The following AKAP13 variants were observed in gnomAD, a reference collection of about 807,000 sequenced individuals.
The protein encoded by AKAP13 is A-kinase anchor protein 13.
Under a neutral mutation model 264.5 loss-of-function variants are expected in AKAP13, and 80 were observed. The ratio of observed to expected loss-of-function variants is 0.30; its 90% CI spans 0.25 to 0.36. The LOEUF (loss-of-function observed/expected upper bound fraction) is 0.36. Ranked by LOEUF, AKAP13 falls within the 10% of genes least tolerant of loss-of-function variation. The probability of loss-of-function intolerance (pLI) is 1.00; values close to 1 mark genes in which losing one functional copy is unlikely to be tolerated. For synonymous variants in AKAP13, 1,380 were observed against 1,250.2 expected (o/e 1.10, Z -2.19); for missense variants, 3,712 against 3,435.2 (o/e 1.08, Z -2.01).
At chr15:85,678,141 A>G (rs1567190293) in intron 14 of AKAP13, among the ~76,000 whole-genome samples, 1 of 152,230 alleles carries the variant, frequency 6.6e-6, no homozygotes, top group Non-Finnish European at 1.5e-5. Flanking sequence ...TACAGTCTTC[A>G]ATTGTGCAAG....
chr15:85,554,149 C>G (rs1425246562), intron 5 of AKAP13, among the ~76,000 whole-genome samples: 1 of 152,168 alleles, frequency 6.6e-6, no homozygotes, highest in Non-Finnish European at 1.5e-5. Context: ...GTTCAGCAGG[C>G]ATCCATCTCT....
intron 13 of AKAP13, among the ~76,000 whole-genome samples, chr15:85,666,358 C>T (rs1310209742): frequency 1.3e-5 from 2 of 151,756 alleles, no homozygotes; most frequent in African/African-American, 4.8e-5. Flanking sequence ...CCTTTACCCA[C>T]TTTTTGATGG....
chr15:85,574,156 A>G (rs1231184214), intron 5 of AKAP13, among the ~76,000 whole-genome samples: 1 of 152,232 alleles, frequency 6.6e-6, no homozygotes, highest in Non-Finnish European at 1.5e-5. Flanking sequence ...AGACATTTAC[A>G]TTTGTGCTGA....
intron 1 of AKAP13, among the ~76,000 whole-genome samples, chr15:85,459,534 C>G (rs576273639): frequency 6.8e-4 from 103 of 151,674 alleles, no homozygotes; most frequent in African/African-American, 2.4e-3. Context: ...GAGTCTCGCT[C>G]TGTCGCCCAG....
chr15:85,543,891 G>C lies in AKAP13; in HGVS notation c.598G>C (p.Gly200Arg), dbSNP rs745671342. 1 of 1,614,120 alleles carries C rather than the reference G, an allele frequency of 6.2e-7. No individual in the cohort carries two copies. Among genetic ancestry groups the C allele is most frequent in the South Asian group, 1.1e-5 (1 of 91,084 alleles). The part of the protein sequence containing the change: ...RGALSIHNQE[G>R]ATPVSLALER... ...AGCTCTCAGTATCCACAACCAGGAA[G>C]GGGCGACGCCTGTGAGCTTGGCCTT... The change falls in exon 5 of 37, where the codon GGG (glycine) becomes CGG (arginine). Residue 200 changes from glycine (G) to arginine (R), a missense_variant. By Grantham distance (125) the Gly-to-Arg change is moderately radical. This residue lies in a region of AKAP13 where 2,759 missense variants were observed against 2,411.7 expected (regional missense o/e 1.14). Transcript: ENST00000394518.
chr15:85,471,137 A>G (rs1021887640), intron 1 of AKAP13, among the ~76,000 whole-genome samples: 2 of 152,196 alleles, frequency 1.3e-5, no homozygotes, highest in African/African-American at 4.8e-5. Flanking sequence ...ACACAATGAC[A>G]CAAAGCATTA....
chr15:85,730,432 A>G lies in AKAP13; in HGVS notation c.7088-81A>G, dbSNP rs1261538960. On this transcript the variant is annotated intron_variant, in intron 29 of 36. Coordinates refer to ENST00000394518, the MANE Select transcript of AKAP13 (RefSeq NM_007200.5). ...GTCTTGTCACTTTCCATAAATTACC[A>G]CAAGGTGGTGCTCGTGTCTTAGTCA... 6 of 1,459,308 alleles carry G rather than the reference A, an allele frequency of 4.1e-6. No individual in the cohort carries two copies. The African/African-American group carries it at 5.6e-5, about 14-fold the overall frequency. 90.4% of individuals were successfully genotyped at this position (1,459,308 alleles called of 1,614,324 possible).
At chr15:85,427,518 T>TCGACTCCTCTAGGCAA (rs1264728331) in intron 1 of AKAP13, among the ~76,000 whole-genome samples, 3 of 152,162 alleles carry the variant, frequency 2.0e-5, no homozygotes, top group Non-Finnish European at 4.4e-5. Context: ...TGTGTGTGTG[T>TCGACTCCTCTAGGCAA]GCGCACACAC....
At chr15:85,641,962 C>A (rs1334704081) in intron 9 of AKAP13, among the ~76,000 whole-genome samples, 1 of 152,136 alleles carries the variant, frequency 6.6e-6, no homozygotes, top group African/African-American at 2.4e-5. Flanking sequence ...ACCTAAATGA[C>A]TAGATAACAC....
At chr15:85,399,452 C>T (rs1359747400) in intron 1 of AKAP13, among the ~76,000 whole-genome samples, 3 of 135,142 alleles carry the variant, frequency 2.2e-5, no homozygotes, top group East Asian at 2.1e-4. Flanking sequence ...GCCGAGATTG[C>T]GCCACTGCAG....
At chr15:85,392,254 T>TTTG (rs2070899895) in intron 1 of AKAP13, among the ~76,000 whole-genome samples, 1 of 140,510 alleles carries the variant, frequency 7.1e-6, no homozygotes, top group Non-Finnish European at 1.6e-5. Context: ...CTTAATAATT[T>TTTG]TTTTTTTTTT....
intron 2 of AKAP13, among the ~76,000 whole-genome samples, chr15:85,498,478 C>T (rs534729657): frequency 2.0e-5 from 3 of 152,022 alleles, no homozygotes; most frequent in South Asian, 4.2e-4. Flanking sequence ...TATAGATGAA[C>T]GAACATAGCT....
At chr15:85,742,001 C>T (rs1178058817) in intron 35 of AKAP13, among the ~76,000 whole-genome samples, 2 of 152,066 alleles carry the variant, frequency 1.3e-5, no homozygotes, top group Non-Finnish European at 2.9e-5. Flanking sequence ...GCCGAGATCT[C>T]GCCACTGCAC....
chr15:85,483,286 C>A (rs2075403857), intron 1 of AKAP13, among the ~76,000 whole-genome samples: 1 of 152,214 alleles, frequency 6.6e-6, no homozygotes, highest in Non-Finnish European at 1.5e-5. Context: ...AGGCTGCATG[C>A]AGCCTGTGAA....
chr15:85,549,266 T>A (rs1173195970), intron 5 of AKAP13, among the ~76,000 whole-genome samples: 2 of 152,220 alleles, frequency 1.3e-5, no homozygotes. Context: ...TGTAGATTAA[T>A]GGAACAAGGA....
intron 1 of AKAP13, among the ~76,000 whole-genome samples, chr15:85,467,768 C>G (rs2074803480): frequency 6.6e-6 from 1 of 152,172 alleles, no homozygotes. Flanking sequence ...GAGTGAATAA[C>G]TAAAATAATA....
chr15:85,621,706 A>G (rs1450391033), intron 8 of AKAP13, among the ~76,000 whole-genome samples: 2 of 152,350 alleles, frequency 1.3e-5, no homozygotes, highest in East Asian at 1.9e-4. Context: ...AAGCACTTCC[A>G]TATACGTTAC....
At chr15:85,597,103 C>A (rs1423429474) in intron 8 of AKAP13, among the ~76,000 whole-genome samples, 2 of 152,134 alleles carry the variant, frequency 1.3e-5, no homozygotes, top group Non-Finnish European at 2.9e-5. Flanking sequence ...GTAATGGAAC[C>A]ATTTAGAGGT....
intron 1 of AKAP13, among the ~76,000 whole-genome samples, chr15:85,482,246 T>C (rs1057488086): frequency 3.9e-5 from 6 of 152,214 alleles, no homozygotes; most frequent in Non-Finnish European, 8.8e-5. Flanking sequence ...GTAAATGATA[T>C]CTTCTCAGGG....
Sources: allele counts gnomAD v4.1 joint callset (sites outside exome capture counted in the v4.1 genomes callset), GRCh38; gene constraint gnomAD v4.1.1; regional missense constraint gnomAD v4.1.1; transcripts MANE v1.5; gene names NCBI Gene and HGNC (gene_info 2026-07-23, HGNC 2026-07-21).